UBASH3A: variants seen among roughly 807,000 people sequenced by gnomAD.
UBASH3A encodes ubiquitin associated and SH3 domain containing A.
UBASH3A carries 63 observed loss-of-function variants against 73.5 expected under a neutral mutation model. The ratio of observed to expected loss-of-function variants is 0.86; its 90% confidence interval spans 0.70 to 1.06. The LOEUF (loss-of-function observed/expected upper bound fraction) is 1.06, where lower values mean the gene tolerates loss of function less well. UBASH3A is among the 50% of genes least tolerant of loss of function. The pLI, the probability that UBASH3A is intolerant of heterozygous loss-of-function variation, is 0.00. For synonymous variants in UBASH3A, 363 were observed against 351.1 expected, an observed-to-expected ratio of 1.03 and a Z score of -0.38; for missense variants, 860 against 859.0, an observed-to-expected ratio of 1.00 and a Z score of -0.02.
chr21:42,432,950 T>C (rs1411619953), intron 9 of UBASH3A, among the ~76,000 whole-genome samples: 1 of 152,244 alleles, frequency 6.6e-6, no homozygotes, highest in Non-Finnish European at 1.5e-5. Context: ...TCAGGATGCA[T>C]TAACAAACAT....
At chr21:42,443,101 C>G in intron 12 of UBASH3A, 1 of 1,358,928 alleles carries the variant, frequency 7.4e-7, no homozygotes, top group Non-Finnish European at 9.5e-7. Flanking sequence ...ACAGAGCCCT[C>G]CTGGTGTTGA....
rs2053866172 is a variant in UBASH3A at position 42,447,641 on chromosome 21, A to G, written c.*447A>G. 1 of 152,946 alleles carries G rather than the reference A, an allele frequency of 6.5e-6. No homozygotes were observed. The highest frequency in any genetic ancestry group is 2.1e-4 in the South Asian group (1 of 4,864). 9.5% of individuals were successfully genotyped at this position (152,946 alleles called of 1,614,324 possible). ...ATCCACATGGGCTAAAACAGGTGTA[A>G]TAGTCAATAAAATGGTCCCAGAAAA... On this transcript the variant is annotated 3_prime_UTR_variant, in exon 15 of 15. Coordinates refer to ENST00000319294, the MANE Select transcript of UBASH3A (RefSeq NM_018961.4).
At chr21:42,409,275 G>C (rs2146494656) in intron 2 of UBASH3A, 147 bp from the exon 3 acceptor site, 1 of 801,686 alleles carries the variant, frequency 1.2e-6, no homozygotes, top group South Asian at 2.1e-5. Context: ...ATGGCTGTGA[G>C]ATTAATTTAT....
chr21:42,438,354 G>A (rs571623364), intron 11 of UBASH3A, among the ~76,000 whole-genome samples: 7 of 152,306 alleles, frequency 4.6e-5, no homozygotes, highest in African/African-American at 1.7e-4. Context: ...GGAAAGTGGG[G>A]GCAGGGACTG....
chr21:42,447,416 G>A lies in UBASH3A; in HGVS notation c.*222G>A. The A allele has an allele frequency of 2.0e-6, 1 of 497,286 alleles. No individual in the cohort carries two copies. The highest frequency in any genetic ancestry group is 3.5e-6 in the Non-Finnish European group (1 of 286,070). 30.8% of individuals were successfully genotyped at this position (497,286 alleles called of 1,614,324 possible). On this transcript the variant is annotated 3_prime_UTR_variant, in exon 15 of 15. Coordinates refer to ENST00000319294, the MANE Select transcript of UBASH3A (RefSeq NM_018961.4). Reference sequence around the variant, plus strand: ...ACCAGCCCAGCTGCGGGGAGCACAGGGCAGGTGGCTGGGTGAGGATGCCGC... The same window carrying A: ...ACCAGCCCAGCTGCGGGGAGCACAGAGCAGGTGGCTGGGTGAGGATGCCGC...
chr21:42,443,532 C>T, intron 13 of UBASH3A, 114 bp downstream of exon 13: 1 of 843,548 alleles, frequency 1.2e-6, no homozygotes, highest in Non-Finnish European at 1.8e-6. Context: ...CTCCTGCCTG[C>T]CCCCGCCCCC....
At chr21:42,445,508 G>A (rs1008140421) in intron 14 of UBASH3A, among the ~76,000 whole-genome samples, 3 of 152,202 alleles carry the variant, frequency 2.0e-5, no homozygotes, top group Non-Finnish European at 4.4e-5. Flanking sequence ...CCCCCCAAGA[G>A]GTCAGGGGCT....
At chr21:42,442,663 C>T (rs2053768117) in intron 12 of UBASH3A, 67 bp downstream of exon 12, 2 of 1,523,314 alleles carry the variant, frequency 1.3e-6, no homozygotes, top group Non-Finnish European at 1.8e-6. Flanking sequence ...AATTTCATGA[C>T]ACTGTTAAAA....
chr21:42,421,266 A>G (rs144686771), intron 7 of UBASH3A, among the ~76,000 whole-genome samples: 1 of 152,278 alleles, frequency 6.6e-6, no homozygotes, highest in Non-Finnish European at 1.5e-5. Flanking sequence ...GGTTGGAACA[A>G]CTGAATGATG....
At chr21:42,414,642 G>A (rs2053165774) in intron 5 of UBASH3A, among the ~76,000 whole-genome samples, 1 of 152,200 alleles carries the variant, frequency 6.6e-6, no homozygotes, top group Non-Finnish European at 1.5e-5. Flanking sequence ...GAGACACAGA[G>A]AAGCCATGTG....
Position 42,413,488 on chromosome 21 carries a change from G to C in UBASH3A, c.632G>C (p.Arg211Thr), listed in dbSNP as rs1279489927. 1.9e-6 allele frequency: 3 copies of C among 1,614,110 alleles called. No individual in the cohort carries two copies. Among genetic ancestry groups the C allele is most frequent in the Admixed American group, 1.7e-5 (1 of 60,016 alleles). The change falls in exon 5 of 15, where the codon AGA (arginine) becomes ACA (threonine). Residue 211 changes from arginine to threonine, a missense_variant. Arg to Thr is a moderately conservative substitution (Grantham distance 71). Coordinates refer to ENST00000319294, the MANE Select transcript of UBASH3A (RefSeq NM_018961.4). This position sits in a 1 kb window ranked among gnomAD's most constrained non-coding sequence, Gnocchi z 4.5. ...GPNLRLSNLT[R>T]ASFVSHYILQ... ...AACCTGAGGCTGAGCAATTTAACTA[G>C]AGCCTCCTTCGTGAGCCACTACATC...
chr21:42,415,040 G>A (rs1378828634), intron 5 of UBASH3A, among the ~76,000 whole-genome samples: 1 of 152,198 alleles, frequency 6.6e-6, no homozygotes, highest in African/African-American at 2.4e-5. Flanking sequence ...GGGGGTGGAG[G>A]GGACTCTCTC....
At chr21:42,412,958 A>T in intron 3 of UBASH3A, 66 bp from the exon 4 acceptor site, 3 of 1,308,740 alleles carry the variant, frequency 2.3e-6, no homozygotes, top group African/African-American at 1.5e-5. Context: ...GATTGTTATT[A>T]ATTAAATTAA....
chr21:42,403,944 A>G lies in UBASH3A; in HGVS notation c.-2A>G. On this transcript the variant is annotated 5_prime_UTR_variant, in exon 1 of 15. Coordinates refer to ENST00000319294, the MANE Select transcript of UBASH3A (RefSeq NM_018961.4). The stretch of plus-strand genomic sequence containing the variant: ...AGCTTCTTGGCCTAAGGGCAGGAAG[A>G]GATGGCAGCGGGGGAGACGCAGCTC... The G allele has an allele frequency of 6.7e-7, 1 of 1,500,588 alleles. No homozygotes were observed. The highest frequency in any genetic ancestry group is 9.0e-7 in the Non-Finnish European group (1 of 1,117,214). The allele number at this position is 1,500,588 out of a possible 1,614,324, so 93.0% of individuals were successfully genotyped here. A position where few individuals can be genotyped will look rare whatever the true frequency, so the allele number is the denominator to read the frequency against.
chr21:42,442,379 A>G (rs1200172738), intron 11 of UBASH3A, 73 bp from the exon 12 acceptor site: 10 of 1,498,884 alleles, frequency 6.7e-6, no homozygotes, highest in South Asian at 1.2e-5. Context: ...TCTGAGATCT[A>G]AAAGGAGACT....
At chr21:42,425,179 A>G (rs919367993) in intron 7 of UBASH3A, among the ~76,000 whole-genome samples, 1 of 152,254 alleles carries the variant, frequency 6.6e-6, no homozygotes, top group Non-Finnish European at 1.5e-5. Context: ...TCATGGTGTA[A>G]GTTACTGTCA....
At position 42,442,160 on chromosome 21, in the gene UBASH3A, G is replaced by C. The variant is rs541654103; in HGVS notation, c.1487-292G>C. 3.3e-5 allele frequency among the ~76,000 whole-genome samples: 5 copies of C among 152,306 alleles called. No homozygotes were observed. The South Asian group carries it at 8.3e-4, about 25-fold the overall frequency. On this transcript the variant is annotated intron_variant, in intron 11 of 14. Transcript: ENST00000319294. ...GTGCTGGGTGATCAGGTGAGCCCCA[G>C]CCTAAGCCTGCTGCCTGGGACACTC...
At chr21:42,434,768 T>G in intron 9 of UBASH3A, 64 bp from the exon 10 acceptor site, 1 of 1,542,526 alleles carries the variant, frequency 6.5e-7, no homozygotes, top group South Asian at 1.2e-5. Flanking sequence ...GTCTTGGGAG[T>G]TTTGTGGAAC....
At chr21:42,443,044 A>G (rs991222600) in intron 12 of UBASH3A, 4 of 1,107,076 alleles carry the variant, frequency 3.6e-6, no homozygotes, top group Non-Finnish European at 4.7e-6. Flanking sequence ...GAGTTTAGTC[A>G]AGGAGAGAGT....
Sources: allele counts gnomAD v4.1 joint callset (sites outside exome capture counted in the v4.1 genomes callset), GRCh38; gene constraint gnomAD v4.1.1; non-coding constraint Gnocchi (gnomAD v3.1); transcripts MANE v1.5; gene names NCBI Gene and HGNC (gene_info 2026-07-23, HGNC 2026-07-21).